TFPT: variants seen among roughly 807,000 people sequenced by gnomAD.
TFPT encodes INO80 complex subunit F.
In TFPT, 27 loss-of-function variants were observed where a neutral mutation model predicts 28.8. That is an observed-to-expected ratio of 0.94 (90% CI 0.69 to 1.29). The LOEUF (loss-of-function observed/expected upper bound fraction) is 1.29. TFPT is among the 50% of genes most tolerant of loss of function. The pLI, the probability that TFPT is intolerant of heterozygous loss-of-function variation, is 0.00. For synonymous variants in TFPT, 152 were observed against 142.8 expected (o/e 1.06, Z -0.46); for missense variants, 330 against 338.0 (o/e 0.98, Z 0.19).
chr19:54,114,925 C>T, intron 1 of TFPT: 1 of 699,436 alleles, frequency 1.4e-6, no homozygotes, highest in South Asian at 2.0e-5. Flanking sequence ...GGGTTCAAGC[C>T]CTGACCCCCT....
At chr19:54,115,148 C>T in intron 1 of TFPT, 99 bp downstream of exon 1, 17 of 1,561,134 alleles carry the variant, frequency 1.1e-5, no homozygotes, top group Admixed American at 3.3e-5. Context: ...GAACTACAAC[C>T]CCCATCAGAC....
intron 1 of TFPT, chr19:54,114,921 A>G (rs1302451398): frequency 8.4e-6 from 6 of 710,922 alleles, no homozygotes; most frequent in African/African-American, 3.6e-5. Context: ...CACAGGGTTC[A>G]AGCCCTGACC....
chr19:54,109,454 T>A, intron 3 of TFPT, among the ~76,000 whole-genome samples: 1 of 152,082 alleles, frequency 6.6e-6, no homozygotes, highest in East Asian at 1.9e-4. Context: ...AGGACTGAGA[T>A]GAGAACTGTG....
Position 54,108,078 on chromosome 19 carries a change from C to T in TFPT, c.590G>A (p.Arg197Gln), listed in dbSNP as rs200497052. ...PSGRKRRRVP[R>Q]DGRRAGNALT... ...CGCATTTCCTGCTCGGCGTCCATCC[C>T]GTGGCACTCGCCGCCTCTTCCGCCC... The change falls in exon 5 of 6, where the codon CGG becomes CAG. Residue 197 changes from arginine (R) to glutamine (Q), a missense_variant. Coordinates refer to ENST00000391759, the MANE Select transcript of TFPT (RefSeq NM_013342.4). 1.1e-4 allele frequency: 172 copies of T among 1,557,564 alleles called. No homozygotes were observed. The highest frequency in any genetic ancestry group is 1.3e-4 in the Non-Finnish European group (152 of 1,152,106).
chr19:54,109,687 A>T (rs1400373316), intron 3 of TFPT, among the ~76,000 whole-genome samples: 1 of 152,064 alleles, frequency 6.6e-6, no homozygotes, highest in Non-Finnish European at 1.5e-5. Context: ...CAGAGAAGGG[A>T]CACTGCTTGC....
Position 54,115,294 on chromosome 19 carries a change from G to T in TFPT, c.-25C>A. ...TCTCCGCGACCTCCGGAAGCCCCGGGCCTCAGAGCTTCCGACCTCTTCAAT... is the reference window on the plus strand; with the variant it reads ...TCTCCGCGACCTCCGGAAGCCCCGGTCCTCAGAGCTTCCGACCTCTTCAAT... On this transcript the variant is annotated 5_prime_UTR_variant, in exon 1 of 6. Transcript: ENST00000391759. The T allele has an allele frequency of 6.2e-7, 1 of 1,613,938 alleles. No homozygotes were observed. Among genetic ancestry groups the T allele is most frequent in the Non-Finnish European group, 8.5e-7 (1 of 1,180,028 alleles).
chr19:54,110,002 A>G, intron 3 of TFPT, 49 bp downstream of exon 3: 3 of 1,585,798 alleles, frequency 1.9e-6, no homozygotes, highest in Non-Finnish European at 1.7e-6. Context: ...GGCTGGGAGC[A>G]TTTGGGAGCT....
intron 1 of TFPT, chr19:54,114,912 A>C: frequency 1.4e-6 from 1 of 730,614 alleles, no homozygotes; most frequent in Non-Finnish European, 2.2e-6. Context: ...CGCAGCACCC[A>C]CAGGGTTCAA....
intron 5 of TFPT, 147 bp downstream of exon 5, chr19:54,107,878 GC>G: frequency 1.4e-6 from 1 of 709,544 alleles, no homozygotes; most frequent in Non-Finnish European, 2.1e-6. Context: ...CCAGCCCTGG[GC>G]CCCTCGGGGT....
At chr19:54,110,198 G>T in intron 2 of TFPT, 77 bp from the exon 3 acceptor site, 2 of 1,485,088 alleles carry the variant, frequency 1.3e-6, no homozygotes, top group Non-Finnish European at 1.9e-6. Flanking sequence ...AATGGGGCAC[G>T]CACTAAACTC....
In TFPT at chr19:54,115,466, G is replaced by C. The variant is rs1340978595; in HGVS notation, c.-197C>G. ...ACCCCCACGTCCACCCCGAATCCCT[G>C]CTTAAAGGCCTTGCTTTCTTGTCTA... On this transcript the variant is annotated 5_prime_UTR_variant, in exon 1 of 6. Coordinates refer to ENST00000391759, the MANE Select transcript of TFPT (RefSeq NM_013342.4). The C allele has an allele frequency of 4.5e-6, 3 of 659,876 alleles. No individual in the cohort carries two copies. The highest frequency in any genetic ancestry group is 7.8e-6 in the Non-Finnish European group (3 of 386,896). The allele number at this position is 659,876 out of a possible 1,614,324, so 40.9% of individuals were successfully genotyped here.
At position 54,107,056 on chromosome 19, in the gene TFPT, A is replaced by C; in HGVS notation, c.756T>G (p.Ser252=). 6.2e-7 allele frequency: 1 copy of C among 1,613,674 alleles called. No homozygotes were observed. ...LPYPTLASPA[S]D The stretch of plus-strand genomic sequence containing the variant: ...TCAGTTTATTGGGCATGCGTCAGTC[A>C]GAGGCTGGGCTGGCCAGGGTCGGGT... Residue 252 remains serine (S), a synonymous_variant, in exon 6 of 6, where the codon TCT becomes TCG. Transcript: ENST00000391759.
chr19:54,108,541 T>C, intron 3 of TFPT, 146 bp from the exon 4 acceptor site: 2 of 1,610,688 alleles, frequency 1.2e-6, no homozygotes, highest in Non-Finnish European at 1.7e-6. Flanking sequence ...ACTGGAGGCC[T>C]GGGAGCCATG....
chr19:54,108,285 G>C, intron 4 of TFPT, 41 bp from the exon 5 acceptor site: 2 of 1,577,462 alleles, frequency 1.3e-6, no homozygotes, highest in Non-Finnish European at 1.7e-6. Flanking sequence ...GGTGGGTCCT[G>C]AGCTCCCAGT....
At chr19:54,108,674 AC>A in intron 3 of TFPT, 1 of 1,317,666 alleles carries the variant, frequency 7.6e-7, no homozygotes, top group Non-Finnish European at 1.0e-6. Flanking sequence ...AAGTAGTGAC[AC>A]CAGACGATTT....
At chr19:54,107,752 C>A (rs754724126) in intron 5 of TFPT, among the ~76,000 whole-genome samples, 1 of 152,180 alleles carries the variant, frequency 6.6e-6, no homozygotes, top group Non-Finnish European at 1.5e-5. Flanking sequence ...TTCCTCTTTC[C>A]CTTTCCAACT....
At chr19:54,111,476 A>G (rs1351981351) in intron 2 of TFPT, among the ~76,000 whole-genome samples, 11 of 150,174 alleles carry the variant, frequency 7.3e-5, no homozygotes, top group South Asian at 2.1e-4. Context: ...CCCGGCCAAC[A>G]TGATGAGACC....
In TFPT at chr19:54,110,069, C is replaced by G; in HGVS notation, c.335G>C (p.Arg112Thr). 6.2e-7 allele frequency: 1 copy of G among 1,614,178 alleles called. No homozygotes were observed. Among genetic ancestry groups the G allele is most frequent in the East Asian group, 2.2e-5 (1 of 44,884 alleles). The change falls in exon 3 of 6, where the codon AGG (arginine) becomes ACG (threonine). Residue 112 changes from arginine (R) to threonine (T), a missense_variant. Transcript: ENST00000391759. ...GGGTTACCTCCGTTCCTGCTGCAGC[C>G]TCCGAGTTATCCTCTGCACCTGATG... Reference protein sequence around the residue: ...RLHQVQRITRRLQQERRFLMR... With the variant: ...RLHQVQRITRTLQQERRFLMR...
At chr19:54,107,718 T>G (rs2073312352) in intron 5 of TFPT, 1 of 399,328 alleles carries the variant, frequency 2.5e-6, no homozygotes, top group Non-Finnish European at 4.4e-6. Flanking sequence ...CAGCCTTCTC[T>G]AGCTATTTTT....
Sources: gnomAD v4.1 joint callset for allele counts (sites outside exome capture counted in the v4.1 genomes callset) on GRCh38, gnomAD v4.1.1 for gene constraint, MANE v1.5 for transcripts, NCBI Gene and HGNC (gene_info 2026-07-23, HGNC 2026-07-21) for gene names.